The following SNTG1 variants were observed in gnomAD, a reference collection of about 807,000 sequenced individuals.
SNTG1 encodes the protein gamma-1-syntrophin.
Under a neutral mutation model 74.7 loss-of-function variants are expected in SNTG1, and 39 were observed. That is an observed-to-expected ratio of 0.52 (90% CI 0.40 to 0.68). The LOEUF (loss-of-function observed/expected upper bound fraction) is 0.68, where lower values mean the gene tolerates loss of function less well. SNTG1 is among the 30% of genes least tolerant of loss of function. The pLI is 0.00. For synonymous variants in SNTG1, 254 were observed against 217.1 expected (o/e 1.17, Z -1.49); for missense variants, 685 against 609.5 (o/e 1.12, Z -1.30).
At chr8:50,117,768 C>T (rs2080871817) in intron 1 of SNTG1, among the ~76,000 whole-genome samples, 1 of 152,134 alleles carries the variant, frequency 6.6e-6, no homozygotes, top group African/African-American at 2.4e-5. Context: ...GTACTAGCAA[C>T]TGAAAAGTCC....
chr8:50,732,793 A>C (rs1219438920), intron 17 of SNTG1, among the ~76,000 whole-genome samples: 1 of 152,032 alleles, frequency 6.6e-6, no homozygotes, highest in Non-Finnish European at 1.5e-5. Flanking sequence ...TAATGATGAA[A>C]AAAACAGTCT....
intron 1 of SNTG1, among the ~76,000 whole-genome samples, chr8:50,138,181 G>A (rs781706487): frequency 4.6e-5 from 7 of 151,890 alleles, no homozygotes; most frequent in South Asian, 2.1e-4. Context: ...ACGACGTCAC[G>A]GCAAGACACT....
intron 1 of SNTG1, among the ~76,000 whole-genome samples, chr8:49,994,256 C>CTTT (rs11367514): frequency 3.0e-5 from 3 of 101,290 alleles, no homozygotes; most frequent in Non-Finnish European, 4.1e-5. Flanking sequence ...TTTTATTCTT[C>CTTT]TTTTTTTTTT....
intron 12 of SNTG1, among the ~76,000 whole-genome samples, chr8:50,583,210 C>G (rs1309034145): frequency 6.6e-6 from 1 of 151,606 alleles, no homozygotes; most frequent in African/African-American, 2.4e-5. Flanking sequence ...CGAGACCAAC[C>G]TGGCCAACAT....
intron 8 of SNTG1, among the ~76,000 whole-genome samples, chr8:50,501,621 T>A (rs1254959818): frequency 1.7e-4 from 25 of 150,520 alleles, no homozygotes; most frequent in Middle Eastern, 3.4e-3. Context: ...ATTTTTTTTT[T>A]TTTTTTTTGT....
At chr8:50,699,298 A>G (rs1415497869) in intron 15 of SNTG1, among the ~76,000 whole-genome samples, 1 of 152,202 alleles carries the variant, frequency 6.6e-6, no homozygotes, top group Admixed American at 6.5e-5. Context: ...GCTACATTTT[A>G]CATAAAGTAA....
At chr8:50,723,407 C>A (rs145974999) in intron 17 of SNTG1, among the ~76,000 whole-genome samples, 1 of 152,124 alleles carries the variant, frequency 6.6e-6, no homozygotes, top group Admixed American at 6.6e-5. Context: ...CCAAAGTTCT[C>A]GAGAGAAGAC....
chr8:50,414,719 A>AC (rs1359647343), intron 4 of SNTG1, among the ~76,000 whole-genome samples: 2 of 151,830 alleles, frequency 1.3e-5, no homozygotes, highest in Non-Finnish European at 2.9e-5. Context: ...GGAGTGTTAG[A>AC]CTCAAGATTA....
chr8:50,337,964 G>A (rs1380828151), intron 2 of SNTG1, among the ~76,000 whole-genome samples: 3 of 151,962 alleles, frequency 2.0e-5, no homozygotes, highest in South Asian at 2.1e-4. Flanking sequence ...GTGAAACCCC[G>A]TCTCTACTAA....
intron 9 of SNTG1, among the ~76,000 whole-genome samples, chr8:50,518,573 GAA>G (rs765075480): frequency 6.6e-6 from 1 of 151,862 alleles, no homozygotes; most frequent in Non-Finnish European, 1.5e-5. Flanking sequence ...CAAGAAAGAA[GAA>G]AAGAGAGAAG....
chr8:50,055,862 A>AG (rs1819980378), intron 1 of SNTG1, among the ~76,000 whole-genome samples: 1 of 152,122 alleles, frequency 6.6e-6, no homozygotes, highest in South Asian at 2.1e-4. Context: ...ATTTTAAAAA[A>AG]TTGTTTGATA....
At chr8:50,116,246 A>G (rs1423800052) in intron 1 of SNTG1, among the ~76,000 whole-genome samples, 1 of 152,188 alleles carries the variant, frequency 6.6e-6, no homozygotes, top group Non-Finnish European at 1.5e-5. Flanking sequence ...AACATAACTA[A>G]CACCATCTAA....
At chr8:49,975,176 A>G (rs1257233298) in intron 1 of SNTG1, among the ~76,000 whole-genome samples, 3 of 152,168 alleles carry the variant, frequency 2.0e-5, no homozygotes, top group African/African-American at 7.2e-5. Flanking sequence ...ATTAAAAGAA[A>G]TTTCTTAATA....
intron 1 of SNTG1, among the ~76,000 whole-genome samples, chr8:50,015,273 T>G (rs1476806052): frequency 6.6e-6 from 1 of 152,080 alleles, no homozygotes; most frequent in Non-Finnish European, 1.5e-5. Flanking sequence ...CCAGAGGATT[T>G]AAACAACAGA....
intron 2 of SNTG1, among the ~76,000 whole-genome samples, chr8:50,277,160 G>A (rs969383696): frequency 3.3e-5 from 5 of 151,482 alleles, no homozygotes; most frequent in African/African-American, 4.9e-5. Context: ...CCAGCTACTC[G>A]GGAGCCTGAG....
At chr8:50,242,918 A>C (rs1041598500) in intron 2 of SNTG1, among the ~76,000 whole-genome samples, 25 of 152,032 alleles carry the variant, frequency 1.6e-4, no homozygotes, top group South Asian at 4.1e-4. Flanking sequence ...ATAGCATTGC[A>C]TAGAAATCAT....
chr8:50,169,949 T>C (rs1445392210), intron 1 of SNTG1, among the ~76,000 whole-genome samples: 1 of 152,090 alleles, frequency 6.6e-6, no homozygotes, highest in Non-Finnish European at 1.5e-5. Context: ...ACCCCATGTG[T>C]AAAATAATAA....
At chr8:50,646,698 G>T (rs959142627) in intron 13 of SNTG1, among the ~76,000 whole-genome samples, 1 of 152,032 alleles carries the variant, frequency 6.6e-6, no homozygotes, top group Non-Finnish European at 1.5e-5. Flanking sequence ...TTATGATGTA[G>T]ATATATATTA....
intron 1 of SNTG1, among the ~76,000 whole-genome samples, chr8:50,035,254 C>A (rs1048750836): frequency 6.6e-6 from 1 of 152,178 alleles, no homozygotes; most frequent in South Asian, 2.1e-4. Context: ...ATAAAAGAAT[C>A]CAAGTGCCCC....
Sources: gnomAD v4.1 joint callset for allele counts (sites outside exome capture counted in the v4.1 genomes callset) on GRCh38, gnomAD v4.1.1 for gene constraint, MANE v1.5 for transcripts, NCBI Gene and HGNC (gene_info 2026-07-23, HGNC 2026-07-21) for gene names.